Variants in ABCA1 observed in about 807,000 individuals in gnomAD.
ABCA1 encodes phospholipid-transporting ATPase ABCA1.
ABCA1 carries 133 observed loss-of-function variants against 262.5 expected under a neutral mutation model. That is an observed-to-expected ratio of 0.51 (90% CI 0.44 to 0.59). The LOEUF (loss-of-function observed/expected upper bound fraction) is 0.59. ABCA1 is among the 20% of genes least tolerant of loss of function. The probability of loss-of-function intolerance (pLI) is 0.00; values close to 1 mark genes in which losing one functional copy is unlikely to be tolerated. For missense variants in ABCA1, 2,452 were observed against 2,777.5 expected, an observed-to-expected ratio of 0.88 and a Z score of 2.63; for synonymous variants, 1,022 against 1,043.5, an observed-to-expected ratio of 0.98 and a Z score of 0.40.
chr9:104,840,525 G>A lies in ABCA1; in HGVS notation c.814-6C>T, dbSNP rs377680134. The A allele has an allele frequency of 6.6e-5, 106 of 1,608,938 alleles. No individual in the cohort carries two copies. The highest frequency in any genetic ancestry group is 7.9e-5 in the Non-Finnish European group (93 of 1,178,390). On this transcript the variant is annotated splice_polypyrimidine_tract_variant and splice_region_variant and intron_variant, in intron 8 of 49. Transcript: ENST00000374736. ...CAGCTTCTCATGCTGAACAGCTGGCGTCAGGGATGGGGACAGAAAGGAGGG... is the reference window on the plus strand; with the variant it reads ...CAGCTTCTCATGCTGAACAGCTGGCATCAGGGATGGGGACAGAAAGGAGGG...
At chr9:104,794,128 A>C (rs545595397) in intron 40 of ABCA1, among the ~76,000 whole-genome samples, 2 of 152,310 alleles carry the variant, frequency 1.3e-5, no homozygotes, top group African/African-American at 4.8e-5. Context: ...AGTGGATCCA[A>C]GCAAATGCCA....
chr9:104,885,311 G>C (rs1839066383), intron 3 of ABCA1, among the ~76,000 whole-genome samples: 1 of 152,140 alleles, frequency 6.6e-6, no homozygotes, highest in South Asian at 2.1e-4. Flanking sequence ...GCGTGACTGG[G>C]AGTAGAACCC....
At chr9:104,830,786 T>A in intron 14 of ABCA1, 139 bp downstream of exon 14, 1 of 915,806 alleles carries the variant, frequency 1.1e-6, no homozygotes, top group Non-Finnish European at 1.8e-6. Context: ...GTCTGTCATG[T>A]GGCTGCAACT....
Position 104,831,751 on chromosome 9 carries a change from T to A in ABCA1, c.1586A>T (p.Glu529Val), listed in dbSNP as rs1329386066. The change falls in exon 13 of 50, where the codon GAG becomes GTG. Residue 529 changes from glutamate (E) to valine (V), a missense_variant. By Grantham distance (121) the Glu-to-Val change is moderately radical. Coordinates refer to ENST00000374736, the MANE Select transcript of ABCA1 (RefSeq NM_005502.4). Reference sequence around the variant, plus strand: ...CACAATACCAGCCCAGAACTTCCTCTCATCCAGCAGCTCCATGGACTTGTT... The same window carrying A: ...CACAATACCAGCCCAGAACTTCCTCACATCCAGCAGCTCCATGGACTTGTT... ...LINKSMELLD[E>V]RKFWAGIVFT... The A allele has an allele frequency of 6.2e-7, 1 of 1,614,112 alleles. No homozygotes were observed. The highest frequency in any genetic ancestry group is 1.7e-5 in the Admixed American group (1 of 60,012).
At chr9:104,804,101 C>T (rs1407013807) in intron 32 of ABCA1, among the ~76,000 whole-genome samples, 1 of 152,158 alleles carries the variant, frequency 6.6e-6, no homozygotes, top group Non-Finnish European at 1.5e-5. Flanking sequence ...ATTTGCTGAG[C>T]CAAGCATTCA....
chr9:104,872,901 T>C (rs1188794727), intron 5 of ABCA1, among the ~76,000 whole-genome samples: 2 of 152,270 alleles, frequency 1.3e-5, no homozygotes, highest in African/African-American at 4.8e-5. Context: ...TGTAATCGAA[T>C]GCAATTGTGT....
At chr9:104,851,413 A>G (rs775859733) in intron 7 of ABCA1, among the ~76,000 whole-genome samples, 34 of 151,990 alleles carry the variant, frequency 2.2e-4, no homozygotes, top group Non-Finnish European at 4.4e-4. Context: ...TCTCCCATCA[A>G]ACTCCCCACA....
At chr9:104,908,616 G>A (rs942979423) in intron 1 of ABCA1, among the ~76,000 whole-genome samples, 5 of 152,118 alleles carry the variant, frequency 3.3e-5, no homozygotes, top group African/African-American at 1.2e-4. Flanking sequence ...AGCTGAGATC[G>A]CGCTACCGCA....
chr9:104,804,497 TA>T (rs1443733860), intron 32 of ABCA1, 128 bp downstream of exon 32: 3 of 814,428 alleles, frequency 3.7e-6, no homozygotes. Context: ...GATAATATCC[TA>T]AACTTCCAAT....
rs549298167 is a variant in ABCA1, at chr9:104,782,512, C to G, written c.*1803G>C. Reference sequence around the variant, plus strand: ...CTCATATTTTTCTTTTCTCTCAAGACAGTTAACAGTAAGTATTAGTGAAAC... The same window carrying G: ...CTCATATTTTTCTTTTCTCTCAAGAGAGTTAACAGTAAGTATTAGTGAAAC... On this transcript the variant is annotated 3_prime_UTR_variant, in exon 50 of 50. Transcript: ENST00000374736. 41 of 152,242 alleles carry G rather than the reference C, an allele frequency of 2.7e-4. No individual in the cohort carries two copies. In the South Asian group the frequency reaches 8.5e-3, roughly 32 times the overall value. The allele number at this position is 152,242 out of a possible 1,614,324, so 9.4% of individuals were successfully genotyped here. A position where few individuals can be genotyped will look rare whatever the true frequency, so the allele number is the denominator to read the frequency against.
chr9:104,829,368 T>A (rs1462576853), intron 14 of ABCA1, among the ~76,000 whole-genome samples: 1 of 152,216 alleles, frequency 6.6e-6, no homozygotes, highest in Admixed American at 6.5e-5. Context: ...CTTTGGGGGC[T>A]TGCTTCAGTA....
At chr9:104,896,310 C>T (rs902047863) in intron 2 of ABCA1, among the ~76,000 whole-genome samples, 1 of 152,130 alleles carries the variant, frequency 6.6e-6, no homozygotes, top group Admixed American at 6.6e-5. Flanking sequence ...TAGGCATTAA[C>T]TTAGCCAAAC....
intron 15 of ABCA1, among the ~76,000 whole-genome samples, chr9:104,828,095 G>T (rs1376657795): frequency 1.3e-5 from 2 of 152,214 alleles, no homozygotes; most frequent in African/African-American, 4.8e-5. Context: ...ATTAATGTAT[G>T]GTTCAGACAC....
At chr9:104,879,073 T>A (rs1292880002) in intron 5 of ABCA1, among the ~76,000 whole-genome samples, 3 of 143,296 alleles carry the variant, frequency 2.1e-5, no homozygotes, top group African/African-American at 5.1e-5. Flanking sequence ...GGCTCTGTCT[T>A]AAAAAAAAAA....
chr9:104,812,299 C>A (rs1831346310), intron 28 of ABCA1, among the ~76,000 whole-genome samples: 1 of 152,158 alleles, frequency 6.6e-6, no homozygotes, highest in African/African-American at 2.4e-5. Context: ...TAATGTCAGG[C>A]CCCATTCTAA....
intron 44 of ABCA1, among the ~76,000 whole-genome samples, chr9:104,789,593 T>C (rs1017928804): frequency 6.6e-6 from 1 of 152,248 alleles, no homozygotes; most frequent in Non-Finnish European, 1.5e-5. Flanking sequence ...ACCAGCACTT[T>C]TTTAATGACG....
Position 104,814,582 on chromosome 9 carries a change from G to A in ABCA1, c.3739-107C>T. 3 of 1,135,914 alleles carry A rather than the reference G, an allele frequency of 2.6e-6. No individual in the cohort carries two copies. The East Asian group carries it at 7.3e-5, about 27-fold the overall frequency. The allele number at this position is 1,135,914 out of a possible 1,614,324, so 70.4% of individuals were successfully genotyped here. The stretch of plus-strand genomic sequence containing the variant: ...AGTGGCATGTTAGCCCCGTAAGACA[G>A]AGAAAGTAGAAGCCACATTTCTTAA... On this transcript the variant is annotated intron_variant, in intron 25 of 49. Transcript: ENST00000374736.
At chr9:104,785,347 A>G (rs1413954065) in intron 49 of ABCA1, 49 bp downstream of exon 49, 1 of 1,611,014 alleles carries the variant, frequency 6.2e-7, no homozygotes, top group South Asian at 1.1e-5. Context: ...GTGTCGGGGC[A>G]GGAATCCACA....
chr9:104,906,282 G>C (rs1841127169), intron 1 of ABCA1, among the ~76,000 whole-genome samples: 1 of 152,014 alleles, frequency 6.6e-6, no homozygotes, highest in South Asian at 2.1e-4. Flanking sequence ...CCCAAATATA[G>C]AATATCACCT....
Sources: gnomAD v4.1 joint callset for allele counts (sites outside exome capture counted in the v4.1 genomes callset) on GRCh38, gnomAD v4.1.1 for gene constraint, MANE v1.5 for transcripts, NCBI Gene and HGNC (gene_info 2026-07-23, HGNC 2026-07-21) for gene names.